Variants in IGF1 observed in about 807,000 individuals in gnomAD.
IGF1 encodes insulin like growth factor 1.
A neutral mutation model predicts 13.8 loss-of-function variants in IGF1; 4 were observed. The observed-to-expected ratio is 0.29, with a 90% confidence interval of 0.14 to 0.66. IGF1 has a LOEUF of 0.66. IGF1 is among the 30% of genes least tolerant of loss of function. The probability of loss-of-function intolerance (pLI) is 0.78; values close to 1 mark genes in which losing one functional copy is unlikely to be tolerated. For synonymous variants in IGF1, 76 were observed against 72.6 expected (o/e 1.05, Z -0.23); for missense variants, 124 against 188.5 (o/e 0.66, Z 2.00).
At chr12:102,474,023 G>T (rs1399203301) in intron 2 of IGF1, among the ~76,000 whole-genome samples, 1 of 152,086 alleles carries the variant, frequency 6.6e-6, no homozygotes, top group Non-Finnish European at 1.5e-5. Context: ...CTGGATCAAA[G>T]GAAATTGCAC....
chr12:102,408,781 A>G (rs1305435926), intron 3 of IGF1, among the ~76,000 whole-genome samples: 1 of 152,164 alleles, frequency 6.6e-6, no homozygotes, highest in East Asian at 1.9e-4. Flanking sequence ...CAAAAACTCC[A>G]TGATGACTTT....
intron 2 of IGF1, among the ~76,000 whole-genome samples, chr12:102,451,346 A>C (rs1386566466): frequency 6.6e-6 from 1 of 152,220 alleles, no homozygotes; most frequent in African/African-American, 2.4e-5. Flanking sequence ...TACTGAGCGC[A>C]TTTTATTGCT....
At chr12:102,411,619 A>G (rs1015090610) in intron 3 of IGF1, among the ~76,000 whole-genome samples, 6 of 152,174 alleles carry the variant, frequency 3.9e-5, no homozygotes, top group Admixed American at 6.5e-5. Flanking sequence ...GAGTTATTTT[A>G]TGAGACAAGA....
intron 1 of IGF1, chr12:102,478,737 C>A: frequency 9.5e-7 from 1 of 1,049,702 alleles, no homozygotes. Flanking sequence ...CTTTTCCCCC[C>A]AGTCAAGCCA....
chr12:102,417,919 C>T (rs1356336413), intron 3 of IGF1: 5 of 1,613,842 alleles, frequency 3.1e-6, no homozygotes, highest in Non-Finnish European at 4.2e-6. Context: ...TCTGTCCCCT[C>T]CTTCTGTTCC....
At chr12:102,445,537 T>C (rs1246338713) in intron 2 of IGF1, among the ~76,000 whole-genome samples, 2 of 152,206 alleles carry the variant, frequency 1.3e-5, no homozygotes, top group Non-Finnish European at 2.9e-5. Context: ...GCTCTCTGTT[T>C]GTCTGTTATT....
At chr12:102,434,017 G>C (rs1483430505) in intron 2 of IGF1, among the ~76,000 whole-genome samples, 2 of 152,084 alleles carry the variant, frequency 1.3e-5, no homozygotes, top group African/African-American at 4.8e-5. Context: ...TAGAACACAG[G>C]CTCTGGAGGA....
intron 2 of IGF1, among the ~76,000 whole-genome samples, chr12:102,441,342 A>T (rs1171738984): frequency 6.6e-6 from 1 of 152,178 alleles, no homozygotes; most frequent in East Asian, 1.9e-4. Context: ...GGCAGGCAAT[A>T]TATTGCATCA....
At chr12:102,454,034 A>G (rs1346734335) in intron 2 of IGF1, among the ~76,000 whole-genome samples, 1 of 152,218 alleles carries the variant, frequency 6.6e-6, no homozygotes, top group African/African-American at 2.4e-5. Flanking sequence ...GTGCCAACCT[A>G]TCTTTCTGGG....
intron 2 of IGF1, among the ~76,000 whole-genome samples, chr12:102,421,699 A>G (rs1875738224): frequency 6.6e-6 from 1 of 152,232 alleles, no homozygotes; most frequent in Admixed American, 6.5e-5. Context: ...GAAGAGCTCC[A>G]GAAACTTTCA....
At chr12:102,479,592 C>T (rs1881282696) in intron 1 of IGF1, among the ~76,000 whole-genome samples, 1 of 152,142 alleles carries the variant, frequency 6.6e-6, no homozygotes, top group African/African-American at 2.4e-5. Flanking sequence ...AAACTTTGCC[C>T]ATGAAAGTCC....
At chr12:102,445,371 A>G (rs913164187) in intron 2 of IGF1, among the ~76,000 whole-genome samples, 1 of 152,236 alleles carries the variant, frequency 6.6e-6, no homozygotes, top group African/African-American at 2.4e-5. Context: ...ATCCATGAGC[A>G]TGGAATGTTT....
At chr12:102,456,517 T>TCTATTTATAATTGACATAAATGATAGTC (rs1879416773) in intron 2 of IGF1, among the ~76,000 whole-genome samples, 1 of 152,082 alleles carries the variant, frequency 6.6e-6, no homozygotes, top group South Asian at 2.1e-4. Context: ...AGGGAACAAA[T>TCTATTTATAATTGACATAAATGATAGTC]CTATTTATAA....
chr12:102,419,240 C>T (rs559143767), intron 3 of IGF1, among the ~76,000 whole-genome samples: 1 of 152,340 alleles, frequency 6.6e-6, no homozygotes, highest in Admixed American at 6.5e-5. Context: ...AAAGCCAGGA[C>T]TTCACTTTTG....
intron 2 of IGF1, among the ~76,000 whole-genome samples, chr12:102,428,239 T>TATATATATATATACAC (rs1876400213): frequency 7.3e-6 from 1 of 137,366 alleles, no homozygotes; most frequent in Non-Finnish European, 1.6e-5. Flanking sequence ...ATAATGTGTA[T>TATATATATATATACAC]ATATATATAT....
At position 102,401,505 on chromosome 12, in the gene IGF1, C is replaced by G. The variant is rs1230864798; in HGVS notation, c.*1002G>C. The G allele has an allele frequency of 6.6e-6, 1 of 152,582 alleles. No homozygotes were observed. The highest frequency in any genetic ancestry group is 1.5e-5 in the Non-Finnish European group (1 of 68,044). The allele number at this position is 152,582 out of a possible 1,614,324, so 9.5% of individuals were successfully genotyped here. On this transcript the variant is annotated 3_prime_UTR_variant, in exon 4 of 4. Coordinates refer to ENST00000337514, the MANE Select transcript of IGF1 (RefSeq NM_000618.5). Reference sequence around the variant, plus strand: ...ATGGATGGTGTTTTCAGTACCCTTCCCCTTGTGTCATCTTTGGCTCCAGGC... The same window carrying G: ...ATGGATGGTGTTTTCAGTACCCTTCGCCTTGTGTCATCTTTGGCTCCAGGC...
chr12:102,453,764 T>G (rs1235363254), intron 2 of IGF1, among the ~76,000 whole-genome samples: 1 of 152,196 alleles, frequency 6.6e-6, no homozygotes, highest in East Asian at 1.9e-4. Context: ...GCTGTCAAGG[T>G]TGTCAGGTAC....
intron 2 of IGF1, among the ~76,000 whole-genome samples, chr12:102,453,938 TG>T (rs1162710549): frequency 1.3e-5 from 2 of 152,210 alleles, no homozygotes; most frequent in East Asian, 3.9e-4. Context: ...GGTGATTCAG[TG>T]AGTTAATACA....
intron 2 of IGF1, among the ~76,000 whole-genome samples, chr12:102,426,285 A>G (rs1276616208): frequency 5.3e-5 from 8 of 152,224 alleles, no homozygotes; most frequent in African/African-American, 7.2e-5. Context: ...AAGGATATAT[A>G]AGAGTACCTC....
Sources: allele counts gnomAD v4.1 joint callset (sites outside exome capture counted in the v4.1 genomes callset), GRCh38; gene constraint gnomAD v4.1.1; transcripts MANE v1.5; gene names NCBI Gene and HGNC (gene_info 2026-07-23, HGNC 2026-07-21).